ELF2: variants seen among roughly 807,000 people sequenced by gnomAD.
ELF2 encodes ETS-related transcription factor Elf-2.
ELF2 carries 11 observed loss-of-function variants against 54.8 expected under a neutral mutation model. That is an observed-to-expected ratio of 0.20 (90% CI 0.13 to 0.33). ELF2 has a LOEUF of 0.33. Ranked by LOEUF, ELF2 falls within the 10% of genes least tolerant of loss-of-function variation. ELF2 has a pLI of 1.00. For synonymous variants in ELF2, 203 were observed against 245.1 expected, an observed-to-expected ratio of 0.83 and a Z score of 1.61; for missense variants, 513 against 703.0, an observed-to-expected ratio of 0.73 and a Z score of 3.06.
chr4:139,117,586 T>G (rs1017701622), intron 4 of ELF2, among the ~76,000 whole-genome samples: 1 of 152,134 alleles, frequency 6.6e-6, no homozygotes, highest in African/African-American at 2.4e-5. Flanking sequence ...TCCCAGCTAC[T>G]GAGGAGACTG....
chr4:139,059,793 C>CTAAT (rs1727557020), intron 9 of ELF2, among the ~76,000 whole-genome samples, 186 bp from the exon 10 acceptor site: 1 of 151,808 alleles, frequency 6.6e-6, no homozygotes, highest in African/African-American at 2.4e-5. Flanking sequence ...CTAAAGCCTA[C>CTAAT]ATTAAGCTCC....
At chr4:139,060,189 C>T (rs1272968519) in intron 9 of ELF2, 135 bp downstream of exon 9, 2 of 778,068 alleles carry the variant, frequency 2.6e-6, no homozygotes, top group East Asian at 2.7e-5. Context: ...ATAATTAAAA[C>T]ATCAAGCACT....
intron 6 of ELF2, among the ~76,000 whole-genome samples, chr4:139,070,297 G>GA (rs1729328604): frequency 6.9e-6 from 1 of 144,646 alleles, no homozygotes; most frequent in Non-Finnish European, 1.5e-5. Flanking sequence ...TAAATGTGGT[G>GA]TTTTTTTTTT....
At chr4:139,105,222 T>G (rs180724431) in intron 4 of ELF2, among the ~76,000 whole-genome samples, 22 of 152,330 alleles carry the variant, frequency 1.4e-4, no homozygotes, top group Middle Eastern at 3.4e-3. Flanking sequence ...TAAAGAACAA[T>G]TTCAAGTTAT....
chr4:139,150,970 G>A (rs1403658511), intron 1 of ELF2, among the ~76,000 whole-genome samples: 3 of 149,146 alleles, frequency 2.0e-5, no homozygotes, highest in African/African-American at 7.5e-5. Flanking sequence ...CTTGCAGTGA[G>A]CCGAGATCGC....
intron 1 of ELF2, among the ~76,000 whole-genome samples, chr4:139,141,545 A>T: frequency 6.6e-6 from 1 of 152,238 alleles, no homozygotes. Context: ...GTGAAGGGAC[A>T]CATGGGCAGG....
Position 139,059,146 on chromosome 4 carries a change from A to T in ELF2, c.1619T>A (p.Val540Glu). The T allele has an allele frequency of 6.2e-7, 1 of 1,613,902 alleles. No individual in the cohort carries two copies. The highest frequency in any genetic ancestry group is 8.5e-7 in the Non-Finnish European group (1 of 1,179,862). The change falls in exon 10 of 10, where the codon GTG (valine) becomes GAG (glutamate). Residue 540 changes from valine to glutamate, a missense_variant. Physicochemically the swap from Val to Glu is moderately radical, Grantham distance 121. Transcript: ENST00000686138. Reference protein sequence around the residue: ...IKGPEVKSEAVAKKQEHDVKT... With the variant: ...IKGPEVKSEAEAKKQEHDVKT... ...CACATCATGTTCTTGCTTTTTTGCC[A>T]CTGCTTCCGATTTAACCTCTGGCCC...
chr4:139,161,709 G>A, intron 1 of ELF2, among the ~76,000 whole-genome samples: 1 of 149,220 alleles, frequency 6.7e-6, no homozygotes. Context: ...GGTGGCTCAG[G>A]CCTGTAAACC....
At chr4:139,109,970 C>A (rs1475902938) in intron 4 of ELF2, among the ~76,000 whole-genome samples, 4 of 152,086 alleles carry the variant, frequency 2.6e-5, no homozygotes, top group Non-Finnish European at 4.4e-5. Context: ...TGCACATGTA[C>A]CCCCTGAATC....
chr4:139,072,058 A>G lies in ELF2; in HGVS notation c.353-19T>C, dbSNP rs1162819113. 1.9e-6 allele frequency: 3 copies of G among 1,605,756 alleles called. No individual in the cohort carries two copies. In the Admixed American group the frequency reaches 5.3e-5, roughly 28 times the overall value. On this transcript the variant is annotated intron_variant, in intron 5 of 9. Transcript: ENST00000686138. ...ACTTCCACTATAAAAAAAAGTTGAA[A>G]AATTAAAATTTCCCACCCCCATCAA...
At chr4:139,124,713 C>CACT (rs1475341391) in intron 4 of ELF2, among the ~76,000 whole-genome samples, 1 of 152,052 alleles carries the variant, frequency 6.6e-6, no homozygotes, top group African/African-American at 2.4e-5. Flanking sequence ...ACTGATAGAA[C>CACT]ACTACAATGA....
At position 139,137,760 on chromosome 4, in the gene ELF2, T is replaced by C. The variant is rs1442864599; in HGVS notation, c.-59A>G. The C allele has an allele frequency of 6.2e-7, 1 of 1,607,114 alleles. No individual in the cohort carries two copies. The highest frequency in any genetic ancestry group is 8.5e-7 in the Non-Finnish European group (1 of 1,177,596). On this transcript the variant is annotated 5_prime_UTR_variant, in exon 3 of 10. Coordinates refer to ENST00000686138, the MANE Select transcript of ELF2 (RefSeq NM_001331036.3). ...ATCAATGAAATTAAAGGTTCACTGATGGTTGCCAGTGTTATAGGTTTGCAT... is the reference window on the plus strand; with the variant it reads ...ATCAATGAAATTAAAGGTTCACTGACGGTTGCCAGTGTTATAGGTTTGCAT...
intron 4 of ELF2, among the ~76,000 whole-genome samples, chr4:139,117,436 G>A (rs1281868735): frequency 6.6e-6 from 1 of 152,190 alleles, no homozygotes; most frequent in South Asian, 2.1e-4. Flanking sequence ...AATCAGGCCT[G>A]TAATCCCAGC....
intron 4 of ELF2, among the ~76,000 whole-genome samples, chr4:139,114,548 C>CGA (rs1275143439): frequency 3.5e-5 from 3 of 86,488 alleles, no homozygotes; most frequent in Non-Finnish European, 7.9e-5. Flanking sequence ...GGCAACAGAG[C>CGA]GAGACTTCAG....
chr4:139,078,421 A>T (rs962167653), intron 4 of ELF2, among the ~76,000 whole-genome samples: 2 of 152,166 alleles, frequency 1.3e-5, no homozygotes, highest in Non-Finnish European at 2.9e-5. Flanking sequence ...AAGCTATACC[A>T]GTAATAGGTA....
intron 4 of ELF2, among the ~76,000 whole-genome samples, chr4:139,098,188 T>C (rs1733487301): frequency 6.6e-6 from 1 of 152,248 alleles, no homozygotes; most frequent in Non-Finnish European, 1.5e-5. Context: ...TGATACTATT[T>C]TTAATTTCAT....
intron 4 of ELF2, chr4:139,083,989 C>T (rs1175475916): frequency 3.0e-6 from 4 of 1,354,668 alleles, no homozygotes; most frequent in South Asian, 2.6e-5. Context: ...TTCATTCACT[C>T]CCCCCTTTCC....
intron 2 of ELF2, among the ~76,000 whole-genome samples, chr4:139,138,589 T>A (rs1738411289): frequency 6.6e-6 from 1 of 152,194 alleles, no homozygotes; most frequent in Admixed American, 6.5e-5. Context: ...AGATTATTGA[T>A]CCTTAAATAT....
chr4:139,099,991 C>T (rs1430440518), intron 4 of ELF2, among the ~76,000 whole-genome samples: 1 of 152,108 alleles, frequency 6.6e-6, no homozygotes, highest in Non-Finnish European at 1.5e-5. Context: ...TGCGTGAACA[C>T]CCTGTGGAGG....
Sources: gnomAD v4.1 joint callset for allele counts (sites outside exome capture counted in the v4.1 genomes callset) on GRCh38, gnomAD v4.1.1 for gene constraint, MANE v1.5 for transcripts, NCBI Gene and HGNC (gene_info 2026-07-23, HGNC 2026-07-21) for gene names.